The following WDR12 variants were observed in gnomAD, a reference collection of about 807,000 sequenced individuals.
WDR12 encodes WD repeat domain 12, also known as ribosome biogenesis protein WDR12.
A neutral mutation model predicts 64.3 loss-of-function variants in WDR12; 42 were observed. That is an observed-to-expected ratio of 0.65 (90% CI 0.51 to 0.84). WDR12 has a LOEUF of 0.84. WDR12 is among the 40% of genes least tolerant of loss of function. The pLI is 0.00. For missense variants in WDR12, 469 were observed against 494.6 expected (o/e 0.95, Z 0.49); for synonymous variants, 158 against 173.3 (o/e 0.91, Z 0.70).
intron 1 of WDR12, among the ~76,000 whole-genome samples, chr2:202,909,825 C>G (rs1442432272): frequency 6.9e-6 from 1 of 145,294 alleles, no homozygotes; most frequent in East Asian, 1.9e-4. Flanking sequence ...GATAGAGTCT[C>G]ACTATGTTCC....
intron 8 of WDR12, among the ~76,000 whole-genome samples, chr2:202,889,199 C>T (rs1688102522): frequency 6.6e-6 from 1 of 151,980 alleles, no homozygotes; most frequent in Non-Finnish European, 1.5e-5. Flanking sequence ...TTCTCTCAAA[C>T]GAAATGAACT....
intron 8 of WDR12, among the ~76,000 whole-genome samples, chr2:202,889,178 T>C (rs993933483): frequency 2.6e-5 from 4 of 152,188 alleles, no homozygotes; most frequent in Non-Finnish European, 5.9e-5. Flanking sequence ...AGAAACTCAA[T>C]ATACTATTAT....
chr2:202,910,142 T>TCA (rs1688540534), intron 1 of WDR12, among the ~76,000 whole-genome samples: 1 of 152,152 alleles, frequency 6.6e-6, no homozygotes, highest in South Asian at 2.1e-4. Flanking sequence ...GGGCCTAAAT[T>TCA]CACACACACA....
At chr2:202,908,548 C>T (rs909386966) in intron 1 of WDR12, among the ~76,000 whole-genome samples, 1 of 152,190 alleles carries the variant, frequency 6.6e-6, no homozygotes, top group African/African-American at 2.4e-5. Flanking sequence ...AAAACAATAG[C>T]TAGGAGTTGT....
At chr2:202,888,174 C>T (rs763720038) in intron 8 of WDR12, among the ~76,000 whole-genome samples, 15 of 152,104 alleles carry the variant, frequency 9.9e-5, no homozygotes, top group Non-Finnish European at 2.1e-4. Flanking sequence ...ATGTCAAATG[C>T]TTTATGCTAA....
chr2:202,882,087 T>C (rs1182162322), intron 12 of WDR12, among the ~76,000 whole-genome samples: 2 of 151,804 alleles, frequency 1.3e-5, no homozygotes, highest in East Asian at 1.9e-4. Flanking sequence ...CACACCACCA[T>C]GGATAACTAA....
At chr2:202,905,621 A>G (rs1688442653) in intron 2 of WDR12, among the ~76,000 whole-genome samples, 1 of 152,232 alleles carries the variant, frequency 6.6e-6, no homozygotes, top group African/African-American at 2.4e-5. Flanking sequence ...TAGCACTGCT[A>G]GGTATATACT....
chr2:202,901,194 A>C, intron 2 of WDR12, 75 bp from the exon 3 acceptor site: 1 of 1,069,684 alleles, frequency 9.3e-7, no homozygotes, highest in Non-Finnish European at 1.3e-6. Context: ...GAGAACTCCC[A>C]AAACAAACAG....
At chr2:202,898,320 T>C (rs925075946) in intron 4 of WDR12, among the ~76,000 whole-genome samples, 5 of 152,196 alleles carry the variant, frequency 3.3e-5, no homozygotes, top group Admixed American at 2.6e-4. Flanking sequence ...CTGGCTAATT[T>C]TTTATATTTT....
chr2:202,895,517 CTT>C (rs901435872), intron 6 of WDR12, among the ~76,000 whole-genome samples: 21 of 111,490 alleles, frequency 1.9e-4, no homozygotes, highest in Middle Eastern at 4.9e-3. Flanking sequence ...TCATTTCTTT[CTT>C]TTTTTTTTTT....
intron 6 of WDR12, 71 bp from the exon 7 acceptor site, chr2:202,894,697 C>G: frequency 7.9e-7 from 1 of 1,271,308 alleles, no homozygotes; most frequent in Non-Finnish European, 1.1e-6. Flanking sequence ...AACAGTAGGT[C>G]TCTTCCTCAT....
At chr2:202,889,012 T>C (rs190566871) in intron 8 of WDR12, among the ~76,000 whole-genome samples, 82 of 152,312 alleles carry the variant, frequency 5.4e-4, no homozygotes, top group Non-Finnish European at 1.0e-3. Flanking sequence ...AATTTTTCTA[T>C]TATTTCTAAC....
intron 2 of WDR12, 101 bp downstream of exon 2, chr2:202,907,764 A>G: frequency 1.1e-6 from 1 of 886,958 alleles, no homozygotes; most frequent in African/African-American, 1.7e-5. Context: ...TTACCACTAC[A>G]AAATTCATAC....
In WDR12 at chr2:202,895,979, C is replaced by T. The variant is rs1688234848; in HGVS notation, c.609+86G>A. 17 of 1,472,176 alleles carry T rather than the reference C, an allele frequency of 1.2e-5. No individual in the cohort carries two copies. In the Middle Eastern group the frequency reaches 6.2e-4, roughly 54 times the overall value. 91.2% of individuals were successfully genotyped at this position (1,472,176 alleles called of 1,614,324 possible). On this transcript the variant is annotated intron_variant, in intron 6 of 12. Coordinates refer to ENST00000261015, the MANE Select transcript of WDR12 (RefSeq NM_018256.4). ...ACCGATTGTTAGGAAACTAGGCCAA[C>T]ACAATGAATATATGCAGAAGAAAAT...
chr2:202,903,816 C>T (rs1263914352), intron 2 of WDR12, among the ~76,000 whole-genome samples: 1 of 151,982 alleles, frequency 6.6e-6, no homozygotes, highest in African/African-American at 2.4e-5. Context: ...AAGATCTCTA[C>T]AACAAAAACT....
intron 4 of WDR12, among the ~76,000 whole-genome samples, chr2:202,898,078 CA>C (rs66949528): frequency 0.9 from 133,885 of 149,426 alleles, 60,472 homozygotes; most frequent in Non-Finnish European, 0.95. Flanking sequence ...AAACCACCCC[CA>C]CCCAAAAAAA....
chr2:202,897,136 T>A (rs566559259), intron 5 of WDR12, among the ~76,000 whole-genome samples, 164 bp downstream of exon 5: 2 of 152,324 alleles, frequency 1.3e-5, no homozygotes, highest in South Asian at 2.1e-4. Context: ...ATGAATTTTT[T>A]ATATAATCTT....
rs933780133 is a variant in WDR12 at position 202,875,790 on chromosome 2, T to C, written c.*5070A>G. ...CACGACATAAGATTGACAAAATATA[T>C]ACCAGTTAAGAGCTTGTCCAAGATA... is the stretch of plus-strand genomic sequence containing the variant. On this transcript the variant is annotated 3_prime_UTR_variant, in exon 13 of 13. Transcript: ENST00000261015. 3.9e-5 allele frequency: 6 copies of C among 152,232 alleles called. No homozygotes were observed. Among genetic ancestry groups the C allele is most frequent in the African/African-American group, 1.2e-4 (5 of 41,458 alleles). The allele number at this position is 152,232 out of a possible 1,614,324, so 9.4% of individuals were successfully genotyped here. A position where few individuals can be genotyped will look rare whatever the true frequency, so the allele number is the denominator to read the frequency against.
At position 202,896,092 on chromosome 2, in the gene WDR12, A is replaced by G. The variant is rs1431548586; in HGVS notation, c.582T>C (p.Ser194=). ...CCRGHAGSVD[S]IAVDGSGTKF... is the part of the protein sequence containing the mutation. Reference sequence around the variant, plus strand: ...TAGTTCCTGAGCCATCAACAGCTATAGAATCTACACTTCCAGCATGACCTC... The same window carrying G: ...TAGTTCCTGAGCCATCAACAGCTATGGAATCTACACTTCCAGCATGACCTC... Residue 194 remains serine (S), a synonymous_variant, in exon 6 of 13, where the codon TCT becomes TCC. Coordinates refer to ENST00000261015, the MANE Select transcript of WDR12 (RefSeq NM_018256.4). 1 of 1,613,848 alleles carries G rather than the reference A, an allele frequency of 6.2e-7. No individual in the cohort carries two copies. Among genetic ancestry groups the G allele is most frequent in the East Asian group, 2.2e-5 (1 of 44,856 alleles).
Sources: allele counts gnomAD v4.1 joint callset (sites outside exome capture counted in the v4.1 genomes callset), GRCh38; gene constraint gnomAD v4.1.1; transcripts MANE v1.5; gene names NCBI Gene and HGNC (gene_info 2026-07-23, HGNC 2026-07-21).